The following FHIP1A variants were observed in gnomAD, a reference collection of about 807,000 sequenced individuals.
The protein encoded by FHIP1A is FHF complex subunit HOOK-interacting protein 1A.
FHIP1A carries 61 observed loss-of-function variants against 88.6 expected under a neutral mutation model. The ratio of observed to expected loss-of-function variants is 0.69; its 90% CI spans 0.56 to 0.85. The LOEUF is 0.85. Ranked by LOEUF, FHIP1A falls within the 40% of genes least tolerant of loss-of-function variation. The pLI, the probability that FHIP1A is intolerant of heterozygous loss-of-function variation, is 0.00. For synonymous variants in FHIP1A, 478 were observed against 496.0 expected, an observed-to-expected ratio of 0.96 and a Z score of 0.48; for missense variants, 1,154 against 1,273.5, an observed-to-expected ratio of 0.91 and a Z score of 1.43.
At chr4:151,544,463 A>G (rs1732410483) in intron 3 of FHIP1A, among the ~76,000 whole-genome samples, 1 of 152,066 alleles carries the variant, frequency 6.6e-6, no homozygotes, top group African/African-American at 2.4e-5. Flanking sequence ...ACCTCACCAA[A>G]CAGTCCAACT....
rs529233850 is a variant in FHIP1A at position 151,580,805 on chromosome 4, A to G, written c.732+2729A>G. On this transcript the variant is annotated intron_variant, in intron 5 of 13. Transcript: ENST00000435205. ...GAATCATGTGTATTATCATGTAACT[A>G]TATGTATGAACAGCAGTAAATCAAA... Among the ~76,000 whole-genome samples the G allele has an allele frequency of 1.9e-3, 283 of 151,874 alleles. 1 individual carries two copies. Among genetic ancestry groups the G allele is most frequent in the Non-Finnish European group, 3.1e-3 (207 of 67,854 alleles).
At chr4:151,595,585 A>G (rs986376733) in intron 7 of FHIP1A, among the ~76,000 whole-genome samples, 15 of 151,800 alleles carry the variant, frequency 9.9e-5, no homozygotes, top group Non-Finnish European at 8.8e-5. Context: ...ATCTTTGTTA[A>G]TTTTCTGTCT....
chr4:151,503,992 G>A (rs966085471), intron 3 of FHIP1A, among the ~76,000 whole-genome samples: 1 of 152,148 alleles, frequency 6.6e-6, no homozygotes, highest in African/African-American at 2.4e-5. Context: ...AAACCTAAAG[G>A]TAAATGTTCT....
chr4:151,452,779 A>G (rs1430223203), intron 1 of FHIP1A, among the ~76,000 whole-genome samples: 1 of 35,584 alleles, frequency 2.8e-5, no homozygotes, highest in Non-Finnish European at 7.2e-5. Flanking sequence ...CTCTGTCTCA[A>G]AAAAAAAAAA....
chr4:151,456,126 T>C (rs1011939578), intron 2 of FHIP1A, among the ~76,000 whole-genome samples: 2 of 152,184 alleles, frequency 1.3e-5, no homozygotes, highest in Non-Finnish European at 2.9e-5. Context: ...GTAAAGATAT[T>C]TACCTATTAC....
chr4:151,438,796 C>T (rs573854157), intron 1 of FHIP1A, among the ~76,000 whole-genome samples: 4 of 151,636 alleles, frequency 2.6e-5, no homozygotes, highest in Non-Finnish European at 4.4e-5. Context: ...TACACACCAC[C>T]GCACCTGGCT....
At chr4:151,469,285 A>G (rs948445854) in intron 2 of FHIP1A, among the ~76,000 whole-genome samples, 3 of 152,192 alleles carry the variant, frequency 2.0e-5, no homozygotes, top group Non-Finnish European at 2.9e-5. Context: ...GACTGGTTCT[A>G]TACTTGTGCA....
intron 7 of FHIP1A, among the ~76,000 whole-genome samples, chr4:151,623,677 A>T (rs1476665811): frequency 6.6e-6 from 1 of 152,160 alleles, no homozygotes; most frequent in Non-Finnish European, 1.5e-5. Flanking sequence ...GATATTGATT[A>T]TCCCCATTTT....
intron 3 of FHIP1A, among the ~76,000 whole-genome samples, chr4:151,515,614 A>G (rs1209030394): frequency 6.6e-6 from 1 of 152,258 alleles, no homozygotes; most frequent in Non-Finnish European, 1.5e-5. Context: ...GTCTCAGGAT[A>G]CAAAATCAAT....
chr4:151,479,157 G>A lies in FHIP1A; in HGVS notation c.-247-3367G>A, dbSNP rs115407321. On this transcript the variant is annotated intron_variant, in intron 2 of 13. Transcript: ENST00000435205. Reference sequence around the variant, plus strand: ...AGAGGAGGAATAAAATCAACTTAATGGATACACTGTTGAGGAATTGTGAGC... The same window carrying A: ...AGAGGAGGAATAAAATCAACTTAATAGATACACTGTTGAGGAATTGTGAGC... Among the ~76,000 whole-genome samples the A allele has an allele frequency of 2.6e-3, 399 of 152,198 alleles. 1 individual carries two copies. The highest frequency in any genetic ancestry group is 9.2e-3 in the African/African-American group (382 of 41,550).
At chr4:151,441,774 C>G (rs1482180848) in intron 1 of FHIP1A, among the ~76,000 whole-genome samples, 1 of 152,126 alleles carries the variant, frequency 6.6e-6, no homozygotes, top group African/African-American at 2.4e-5. Context: ...TTGTTCTGTG[C>G]AGATTAATCT....
chr4:151,439,550 T>C (rs1244648367), intron 1 of FHIP1A, among the ~76,000 whole-genome samples: 2 of 152,154 alleles, frequency 1.3e-5, no homozygotes, highest in Non-Finnish European at 2.9e-5. Context: ...GCCCCAGCTG[T>C]CTTTTGTTCT....
chr4:151,451,176 A>C (rs1728776232), intron 1 of FHIP1A, among the ~76,000 whole-genome samples: 1 of 151,752 alleles, frequency 6.6e-6, no homozygotes, highest in Non-Finnish European at 1.5e-5. Flanking sequence ...CTTTGCCTAT[A>C]GTTTTTGGGG....
At chr4:151,422,380 AT>A (rs1733205794) in intron 1 of FHIP1A, among the ~76,000 whole-genome samples, 1 of 143,864 alleles carries the variant, frequency 7.0e-6, no homozygotes. Flanking sequence ...AAAAAAAAAA[AT>A]ATATATATGC....
At chr4:151,526,224 C>T (rs2126702935) in intron 3 of FHIP1A, among the ~76,000 whole-genome samples, 1 of 152,344 alleles carries the variant, frequency 6.6e-6, no homozygotes, top group East Asian at 1.9e-4. Context: ...CCTTTCTATT[C>T]CACAAAACCG....
rs183908443 is a variant in FHIP1A at position 151,504,907 on chromosome 4, C to T, written c.-123+22259C>T. ...TGCTAGGATTATAGGAGGGAGCCGC[C>T]GCGCCCAGCCTGGGAAGAAATTTTA... On this transcript the variant is annotated intron_variant, in intron 3 of 13. Transcript: ENST00000435205. Among the ~76,000 whole-genome samples the T allele has an allele frequency of 7.2e-5, 11 of 152,222 alleles. No individual in the cohort carries two copies. The East Asian group carries it at 1.4e-3, about 19-fold the overall frequency.
chr4:151,617,664 T>A (rs904206181), intron 7 of FHIP1A, among the ~76,000 whole-genome samples: 4 of 152,126 alleles, frequency 2.6e-5, no homozygotes, highest in African/African-American at 9.7e-5. Context: ...GGTGGGGGGA[T>A]CACTTGAGGT....
intron 7 of FHIP1A, among the ~76,000 whole-genome samples, chr4:151,611,070 T>A (rs1005463654): frequency 6.6e-6 from 1 of 152,020 alleles, no homozygotes; most frequent in African/African-American, 2.4e-5. Flanking sequence ...GGTAGGAGCC[T>A]GTGTGTGTGT....
chr4:151,434,425 C>G (rs1037995105), intron 1 of FHIP1A, among the ~76,000 whole-genome samples: 3 of 151,964 alleles, frequency 2.0e-5, no homozygotes, highest in African/African-American at 7.2e-5. Flanking sequence ...TTTTTCTTTT[C>G]TATGAAACTT....
Sources: allele counts gnomAD v4.1 joint callset (sites outside exome capture counted in the v4.1 genomes callset), GRCh38; gene constraint gnomAD v4.1.1; transcripts MANE v1.5; gene names NCBI Gene and HGNC (gene_info 2026-07-23, HGNC 2026-07-21).